ESYT2: variants seen among roughly 807,000 people sequenced by gnomAD.
ESYT2 encodes the protein extended synaptotagmin-2.
ESYT2 carries 54 observed loss-of-function variants against 107.2 expected under a neutral mutation model. That is an observed-to-expected ratio of 0.50 (90% confidence interval 0.40 to 0.63). The LOEUF is 0.63. ESYT2 is among the 30% of genes least tolerant of loss of function. The pLI is 0.00. For synonymous variants in ESYT2, 491 were observed against 434.1 expected (o/e 1.13, Z -1.63); for missense variants, 1,020 against 1,094.5 (o/e 0.93, Z 0.96).
In ESYT2 at chr7:158,735,501, A is replaced by G; in HGVS notation, c.2505+2T>C. On this transcript the variant is annotated splice_donor_variant, in intron 21 of 22. Coordinates refer to ENST00000275418, the MANE Select transcript of ESYT2 (RefSeq NM_001367773.1). LOFTEE classifies it high-confidence loss of function. Reference sequence around the variant, plus strand: ...CTGGTTGAGGATTCGTTTGGCACTTACTTTGCCAAGGAGCCCTTTGTCTTT... The same window carrying G: ...CTGGTTGAGGATTCGTTTGGCACTTGCTTTGCCAAGGAGCCCTTTGTCTTT... 6.2e-7 allele frequency: 1 copy of G among 1,612,888 alleles called. No individual in the cohort carries two copies. Among genetic ancestry groups the G allele is most frequent in the Non-Finnish European group, 8.5e-7 (1 of 1,178,942 alleles).
At chr7:158,816,103 C>T (rs532949740) in intron 1 of ESYT2, among the ~76,000 whole-genome samples, 1 of 152,228 alleles carries the variant, frequency 6.6e-6, no homozygotes, top group Admixed American at 6.5e-5. Flanking sequence ...TCCATAAGGC[C>T]CTAAATGCCA....
At chr7:158,785,808 G>A (rs1197556524) in intron 6 of ESYT2, among the ~76,000 whole-genome samples, 1 of 151,982 alleles carries the variant, frequency 6.6e-6, no homozygotes, top group Non-Finnish European at 1.5e-5. Context: ...CAATATTTAG[G>A]GTTTTTTTCC....
chr7:158,778,160 G>A (rs1656559022), intron 6 of ESYT2, among the ~76,000 whole-genome samples: 1 of 152,092 alleles, frequency 6.6e-6, no homozygotes. Context: ...TTTTATCCAG[G>A]AAGTTTTGGG....
At chr7:158,773,774 G>A (rs1337750344) in intron 6 of ESYT2, among the ~76,000 whole-genome samples, 1 of 152,014 alleles carries the variant, frequency 6.6e-6, no homozygotes, top group Non-Finnish European at 1.5e-5. Flanking sequence ...TGAGATTTTG[G>A]GGTCAAAGGC....
At chr7:158,736,193 T>G (rs1836941957) in intron 20 of ESYT2, among the ~76,000 whole-genome samples, 1 of 151,688 alleles carries the variant, frequency 6.6e-6, no homozygotes, top group Non-Finnish European at 1.5e-5. Flanking sequence ...GACGCTTAAA[T>G]GCCTCGGATG....
intron 6 of ESYT2, among the ~76,000 whole-genome samples, chr7:158,778,751 A>G (rs1237309614): frequency 6.6e-6 from 1 of 152,148 alleles, no homozygotes; most frequent in Non-Finnish European, 1.5e-5. Flanking sequence ...AGAGTACAAA[A>G]CATGTTTGCA....
Position 158,767,075 on chromosome 7 carries a change from C to T in ESYT2, c.924+579G>A, listed in dbSNP as rs114049017. On this transcript the variant is annotated intron_variant, in intron 8 of 22. Coordinates refer to ENST00000275418, the MANE Select transcript of ESYT2 (RefSeq NM_001367773.1). ...ATGACAAAACTGTGGCCCAGCCACA[C>T]CAAGTAATATACCCATAAAAGCAAA... Among the ~76,000 whole-genome samples, 1,053 of 152,318 alleles carry T rather than the reference C, an allele frequency of 6.9e-3. 13 individuals are homozygous for T. The highest frequency in any genetic ancestry group is 0.024 in the African/African-American group (1,005 of 41,562).
intron 1 of ESYT2, among the ~76,000 whole-genome samples, chr7:158,825,585 G>T (rs867702511): frequency 6.6e-6 from 1 of 152,188 alleles, no homozygotes; most frequent in South Asian, 2.1e-4. Flanking sequence ...CCTCAATCAG[G>T]AACAGTACAT....
intron 13 of ESYT2, among the ~76,000 whole-genome samples, chr7:158,755,066 G>T (rs1453093492): frequency 6.6e-6 from 1 of 152,184 alleles, no homozygotes; most frequent in African/African-American, 2.4e-5. Context: ...AAAGTTCTAA[G>T]AATCCACATT....
At chr7:158,745,670 T>C (rs182568242) in intron 16 of ESYT2, among the ~76,000 whole-genome samples, 60 of 150,198 alleles carry the variant, frequency 4.0e-4, no homozygotes, top group African/African-American at 1.5e-3. Flanking sequence ...TGGAATGAAA[T>C]TGGAATCAAT....
intron 21 of ESYT2, among the ~76,000 whole-genome samples, chr7:158,735,117 C>T (rs1307820291): frequency 8.5e-5 from 13 of 152,348 alleles, no homozygotes; most frequent in Admixed American, 7.8e-4. Context: ...TCTTCCTCCC[C>T]AACTGAACCT....
intron 8 of ESYT2, among the ~76,000 whole-genome samples, chr7:158,765,783 G>A (rs75189374): frequency 0.028 from 4,226 of 151,812 alleles, 80 homozygotes; most frequent in Middle Eastern, 0.048. Flanking sequence ...GTCCTTTCCC[G>A]AAAATATTGT....
intron 14 of ESYT2, among the ~76,000 whole-genome samples, chr7:158,751,578 A>C (rs1365071829): frequency 6.6e-6 from 1 of 152,068 alleles, no homozygotes; most frequent in Non-Finnish European, 1.5e-5. Context: ...GCATTTTTGG[A>C]AACTAGGTGA....
chr7:158,750,616 T>C (rs1280490795), intron 14 of ESYT2, among the ~76,000 whole-genome samples: 1 of 152,254 alleles, frequency 6.6e-6, no homozygotes, highest in East Asian at 1.9e-4. Context: ...TATTTTCTGG[T>C]TCATCTTTCT....
In ESYT2 at chr7:158,733,229, A is replaced by G. The variant is rs1406227081; in HGVS notation, c.*978T>C. On this transcript the variant is annotated 3_prime_UTR_variant, in exon 23 of 23. Transcript: ENST00000275418. ...TCGAGCTTTCAATTTTTAATGCAAT[A>G]TCCTGTCTACTCACTCCAATCTACC... The G allele has an allele frequency of 2.0e-5, 3 of 152,228 alleles. No homozygotes were observed. The highest frequency in any genetic ancestry group is 4.8e-5 in the African/African-American group (2 of 41,466). 9.4% of individuals were successfully genotyped at this position (152,228 alleles called of 1,614,324 possible). A position where few individuals can be genotyped will look rare whatever the true frequency, so the allele number is the denominator to read the frequency against.
At chr7:158,815,691 A>G (rs1840131762) in intron 1 of ESYT2, among the ~76,000 whole-genome samples, 1 of 151,868 alleles carries the variant, frequency 6.6e-6, no homozygotes, top group Non-Finnish European at 1.5e-5. Flanking sequence ...CCTTCTTCCC[A>G]CTGCACAGCT....
At chr7:158,804,700 G>A (rs1385699748) in intron 1 of ESYT2, among the ~76,000 whole-genome samples, 6 of 151,166 alleles carry the variant, frequency 4.0e-5, no homozygotes, top group Admixed American at 2.0e-4. Context: ...AGGGTGAGGC[G>A]CGTGACAAAC....
intron 20 of ESYT2, 50 bp downstream of exon 20, chr7:158,736,998 T>C (rs187927899): frequency 2.5e-4 from 396 of 1,605,182 alleles, no homozygotes; most frequent in Admixed American, 1.6e-3. Flanking sequence ...GCCTTCTTAA[T>C]CCGTCACTTC....
chr7:158,780,529 A>T (rs770824198), intron 6 of ESYT2, among the ~76,000 whole-genome samples: 3 of 152,256 alleles, frequency 2.0e-5, no homozygotes, highest in Non-Finnish European at 4.4e-5. Flanking sequence ...TCAGAAAAAC[A>T]TTACTTTGTC....
Sources: gnomAD v4.1 joint callset for allele counts (sites outside exome capture counted in the v4.1 genomes callset) on GRCh38, gnomAD v4.1.1 for gene constraint, MANE v1.5 for transcripts, NCBI Gene and HGNC (gene_info 2026-07-23, HGNC 2026-07-21) for gene names.